IL1RAPL1: variants seen among roughly 807,000 people sequenced by gnomAD.
The protein encoded by IL1RAPL1 is interleukin-1 receptor accessory protein-like 1.
A neutral mutation model predicts 48.4 loss-of-function variants in IL1RAPL1; 3 were observed. That is an observed-to-expected ratio of 0.06 (90% CI 0.03 to 0.16). The LOEUF (loss-of-function observed/expected upper bound fraction) is 0.16, where lower values mean the gene tolerates loss of function less well. Among genes scored for constraint, IL1RAPL1 ranks in the 10% least tolerant of loss-of-function variants. IL1RAPL1 has a pLI of 1.00. For missense variants in IL1RAPL1, 349 were observed against 530.6 expected (o/e 0.66, Z 3.36); for synonymous variants, 185 against 187.7 (o/e 0.99, Z 0.12).
intron 2 of IL1RAPL1, among the ~76,000 whole-genome samples, chrX:28,810,867 C>T (rs781109786): frequency 4.6e-5 from 5 of 109,768 alleles, no homozygotes; most frequent in Non-Finnish European, 7.7e-5. Context: ...ATTCCTGCCA[C>T]CTGCATCTAA....
At chrX:28,712,167 T>C (rs1167110022) in intron 1 of IL1RAPL1, among the ~76,000 whole-genome samples, 1 of 110,866 alleles carries the variant, frequency 9.0e-6, no homozygotes, top group Non-Finnish European at 1.9e-5. Context: ...TACAGCTCCT[T>C]GAGGGCCACA....
At chrX:29,530,285 C>T (rs1348892590) in intron 5 of IL1RAPL1, among the ~76,000 whole-genome samples, 2 of 111,480 alleles carry the variant, frequency 1.8e-5, no homozygotes, top group African/African-American at 6.5e-5. Flanking sequence ...GAAGCTGACC[C>T]CTAGAACCCA....
intron 2 of IL1RAPL1, among the ~76,000 whole-genome samples, chrX:29,229,070 C>T (rs1310814284): frequency 3.6e-5 from 4 of 111,791 alleles, no homozygotes; most frequent in Non-Finnish European, 7.5e-5. Flanking sequence ...ATAGGGCATG[C>T]ATGAGTTTGA....
chrX:28,846,379 A>G (rs1921508948), intron 2 of IL1RAPL1, among the ~76,000 whole-genome samples: 1 of 112,180 alleles, frequency 8.9e-6, no homozygotes, highest in South Asian at 3.7e-4. Flanking sequence ...TAAAGGTGCT[A>G]TAAATATTCA....
intron 6 of IL1RAPL1, among the ~76,000 whole-genome samples, chrX:29,746,223 A>T (rs1928333164): frequency 8.9e-6 from 1 of 112,043 alleles, no homozygotes; most frequent in Non-Finnish European, 1.9e-5. Context: ...AAACTCTAAT[A>T]ATTTGCTAAG....
intron 2 of IL1RAPL1, among the ~76,000 whole-genome samples, chrX:29,143,368 T>C (rs941471266): frequency 1.8e-5 from 2 of 111,946 alleles, no homozygotes; most frequent in African/African-American, 6.5e-5. Flanking sequence ...TAATTTAGGG[T>C]TTAGGGGGAA....
chrX:29,178,073 T>C (rs960994427), intron 2 of IL1RAPL1, among the ~76,000 whole-genome samples: 4 of 111,943 alleles, frequency 3.6e-5, no homozygotes, highest in African/African-American at 1.3e-4. Context: ...TGTGTCTTTA[T>C]AGTAGCATGA....
At chrX:29,116,032 T>G (rs906091964) in intron 2 of IL1RAPL1, among the ~76,000 whole-genome samples, 16 of 111,530 alleles carry the variant, frequency 1.4e-4, no homozygotes, top group African/African-American at 5.2e-4. Context: ...GAATAATAAC[T>G]TCTCTCTCAT....
intron 3 of IL1RAPL1, among the ~76,000 whole-genome samples, chrX:29,310,587 C>T (rs897036481): frequency 9.0e-6 from 1 of 110,521 alleles, no homozygotes; most frequent in African/African-American, 3.3e-5. Flanking sequence ...TATTTTATGT[C>T]ATTGTCCCAA....
intron 2 of IL1RAPL1, among the ~76,000 whole-genome samples, chrX:29,215,768 A>G (rs1273874159): frequency 1.8e-5 from 2 of 112,066 alleles, no homozygotes; most frequent in Non-Finnish European, 3.8e-5. Context: ...AAATTAGATC[A>G]TAGAAATCAT....
chrX:29,067,476 T>C (rs1927475911), intron 2 of IL1RAPL1, among the ~76,000 whole-genome samples: 1 of 112,309 alleles, frequency 8.9e-6, no homozygotes, highest in Admixed American at 9.5e-5. Flanking sequence ...TGTTTCATCA[T>C]TGGAGTGTTC....
At chrX:29,129,588 A>ATTTTTTTTTTTTTT (rs754196116) in intron 2 of IL1RAPL1, among the ~76,000 whole-genome samples, 1 of 59,870 alleles carries the variant, frequency 1.7e-5, no homozygotes, top group Non-Finnish European at 2.8e-5. Context: ...AATAATGTAA[A>ATTTTTTTTTTTTTT]TTTTTTTTTT....
At chrX:28,721,942 C>A (rs1601872979) in intron 1 of IL1RAPL1, among the ~76,000 whole-genome samples, 1 of 111,386 alleles carries the variant, frequency 9.0e-6, no homozygotes, top group Non-Finnish European at 1.9e-5. Context: ...CTGTTCTGTT[C>A]CACTGGTCTG....
chrX:29,334,134 T>C (rs868191546), intron 3 of IL1RAPL1, among the ~76,000 whole-genome samples: 40 of 55,170 alleles, frequency 7.3e-4, no homozygotes, highest in African/African-American at 3.2e-3. Context: ...CCTCACTTCC[T>C]AGTAGGGGCG....
intron 6 of IL1RAPL1, among the ~76,000 whole-genome samples, chrX:29,799,669 A>T (rs1439925656): frequency 8.9e-6 from 1 of 112,430 alleles, no homozygotes; most frequent in Non-Finnish European, 1.9e-5. Flanking sequence ...TCCTAGACTC[A>T]ATAGGTGCAC....
At chrX:28,918,010 A>C (rs1923528499) in intron 2 of IL1RAPL1, among the ~76,000 whole-genome samples, 1 of 112,331 alleles carries the variant, frequency 8.9e-6, no homozygotes, top group Non-Finnish European at 1.9e-5. Context: ...CATCTGCCTG[A>C]GGGCACTGTA....
intron 5 of IL1RAPL1, among the ~76,000 whole-genome samples, chrX:29,436,800 T>C (rs961602294): frequency 9.0e-6 from 1 of 110,755 alleles, no homozygotes; most frequent in Non-Finnish European, 1.9e-5. Context: ...TAATAGGTCC[T>C]AAAGGAGATT....
chrX:29,553,850 C>G (rs778258465), intron 5 of IL1RAPL1, among the ~76,000 whole-genome samples: 1 of 110,554 alleles, frequency 9.0e-6, no homozygotes, highest in African/African-American at 3.3e-5. Flanking sequence ...GACTCTCATA[C>G]TAATCCACAT....
intron 2 of IL1RAPL1, among the ~76,000 whole-genome samples, chrX:29,238,253 G>C (rs1417959591): frequency 8.9e-6 from 1 of 111,804 alleles, no homozygotes; most frequent in Non-Finnish European, 1.9e-5. Flanking sequence ...CTCATATGTG[G>C]GAGAAGGTAG....
Sources: gnomAD v4.1 joint callset for allele counts (sites outside exome capture counted in the v4.1 genomes callset) on GRCh38, gnomAD v4.1.1 for gene constraint, MANE v1.5 for transcripts, NCBI Gene and HGNC (gene_info 2026-07-23, HGNC 2026-07-21) for gene names.